The following KCNH7 variants were observed in gnomAD, a reference collection of about 807,000 sequenced individuals.
KCNH7 encodes the protein potassium voltage-gated channel subfamily H member 7, also known as voltage-gated inwardly rectifying potassium channel KCNH7.
In KCNH7, 49 loss-of-function variants were observed where a neutral mutation model predicts 120.8. The ratio of observed to expected loss-of-function variants is 0.41; its 90% confidence interval spans 0.32 to 0.51. The LOEUF is 0.51. Ranked by LOEUF, KCNH7 falls within the 20% of genes least tolerant of loss-of-function variation. KCNH7 has a pLI of 0.38. For missense variants in KCNH7, 1,097 were observed against 1,446.6 expected, an observed-to-expected ratio of 0.76 and a Z score of 3.92; for synonymous variants, 547 against 516.1, an observed-to-expected ratio of 1.06 and a Z score of -0.81.
At chr2:162,576,031 T>C (rs1440925786) in intron 2 of KCNH7, among the ~76,000 whole-genome samples, 6 of 152,062 alleles carry the variant, frequency 3.9e-5, no homozygotes, top group African/African-American at 1.4e-4. Flanking sequence ...GATTTAGAAG[T>C]GAACCCATGA....
intron 2 of KCNH7, among the ~76,000 whole-genome samples, chr2:162,641,568 A>T (rs1405085188): frequency 6.6e-6 from 1 of 151,606 alleles, no homozygotes; most frequent in Non-Finnish European, 1.5e-5. Flanking sequence ...AAAAAAAAAG[A>T]TTGCATAGTA....
chr2:162,416,056 A>G (rs1279141831), intron 9 of KCNH7, among the ~76,000 whole-genome samples: 1 of 152,098 alleles, frequency 6.6e-6, no homozygotes, highest in Non-Finnish European at 1.5e-5. Flanking sequence ...TTATTATAAT[A>G]CTCTGACCTC....
In KCNH7 at chr2:162,787,080, C is replaced by A. The variant is rs550204367; in HGVS notation, c.307+49457G>T. Among the ~76,000 whole-genome samples the A allele has an allele frequency of 4.6e-5, 7 of 152,332 alleles. No homozygotes were observed. In the East Asian group the frequency reaches 1.4e-3, roughly 29 times the overall value. On this transcript the variant is annotated intron_variant, in intron 2 of 15. Transcript: ENST00000332142. ...GTTCATAGTGAACCCCAGTATCAGGCCTTCTCCAGTTAACCCTGGTGCCAG... is the reference window on the plus strand; with the variant it reads ...GTTCATAGTGAACCCCAGTATCAGGACTTCTCCAGTTAACCCTGGTGCCAG...
chr2:162,769,384 G>C (rs1437838804), intron 2 of KCNH7, among the ~76,000 whole-genome samples: 2 of 152,056 alleles, frequency 1.3e-5, no homozygotes, highest in Admixed American at 1.3e-4. Flanking sequence ...CCTCTAATTA[G>C]AGCTTTTTTT....
In KCNH7 at chr2:162,603,786, C is replaced by T. The variant is rs2046491; in HGVS notation, c.308-66706G>A. 3.6e-3 allele frequency among the ~76,000 whole-genome samples: 543 copies of T among 152,126 alleles called. 2 individuals are homozygous for T. Among genetic ancestry groups the T allele is most frequent in the Non-Finnish European group, 6.3e-3 (429 of 67,964 alleles). On this transcript the variant is annotated intron_variant, in intron 2 of 15. Coordinates refer to ENST00000332142, the MANE Select transcript of KCNH7 (RefSeq NM_033272.4). ...GCTTGAACACTGTCCTCAGTGTATT[C>T]TCCTCCAAGAATGGAAAGATTTAGC...
At chr2:162,742,152 G>T (rs1982127) in intron 2 of KCNH7, among the ~76,000 whole-genome samples, 5,715 of 152,178 alleles carry the variant, frequency 0.038, 342 homozygotes, top group African/African-American at 0.13. Flanking sequence ...ACAGTTTTAA[G>T]GAATGAAATA....
intron 2 of KCNH7, among the ~76,000 whole-genome samples, chr2:162,817,547 G>T (rs1469927043): frequency 6.6e-6 from 1 of 151,910 alleles, no homozygotes; most frequent in Non-Finnish European, 1.5e-5. Flanking sequence ...AATCATTTGT[G>T]GACATATATT....
chr2:162,667,226 G>T (rs1449499893), intron 2 of KCNH7, among the ~76,000 whole-genome samples: 2 of 151,832 alleles, frequency 1.3e-5, no homozygotes, highest in Non-Finnish European at 2.9e-5. Flanking sequence ...TCACTACTTT[G>T]CCTAGGCTAT....
At chr2:162,834,405 A>AAGGT (rs1685580936) in intron 2 of KCNH7, among the ~76,000 whole-genome samples, 1 of 152,102 alleles carries the variant, frequency 6.6e-6, no homozygotes, top group Non-Finnish European at 1.5e-5. Context: ...AATTAAAGCA[A>AAGGT]AATAGGTAGA....
chr2:162,514,426 A>G (rs1691213229), intron 4 of KCNH7, among the ~76,000 whole-genome samples: 1 of 151,758 alleles, frequency 6.6e-6, no homozygotes, highest in Non-Finnish European at 1.5e-5. Flanking sequence ...TTATATGTAA[A>G]GATTTACCAA....
At chr2:162,433,987 A>C (rs1688155968) in intron 8 of KCNH7, among the ~76,000 whole-genome samples, 1 of 152,110 alleles carries the variant, frequency 6.6e-6, no homozygotes. Context: ...CTAGATGTCC[A>C]TCAGCAGTAA....
At chr2:162,655,048 A>G (rs76472768) in intron 2 of KCNH7, among the ~76,000 whole-genome samples, 1,818 of 152,268 alleles carry the variant, frequency 0.012, 48 homozygotes, top group East Asian at 0.11. Context: ...AATAAATTGA[A>G]GAGATCTACT....
At chr2:162,838,133 C>T (rs1685726360) in intron 1 of KCNH7, among the ~76,000 whole-genome samples, 1 of 152,154 alleles carries the variant, frequency 6.6e-6, no homozygotes, top group Non-Finnish European at 1.5e-5. Context: ...AAAATATAAA[C>T]CCATGTTATC....
At chr2:162,662,549 T>C (rs1685000015) in intron 2 of KCNH7, among the ~76,000 whole-genome samples, 1 of 152,230 alleles carries the variant, frequency 6.6e-6, no homozygotes. Context: ...GATTGTTGTG[T>C]TCATTAGAAA....
intron 2 of KCNH7, among the ~76,000 whole-genome samples, chr2:162,576,965 ACAGTGGAGTGATCATAGCT>A (rs1389053815): frequency 2.0e-5 from 3 of 151,740 alleles, no homozygotes; most frequent in African/African-American, 7.3e-5. Flanking sequence ...GGGCTGGAGT[ACAGTGGAGTGATCATAGCT>A]CACTGCAGGC....
chr2:162,396,202 A>T (rs1686908973), intron 11 of KCNH7, among the ~76,000 whole-genome samples: 1 of 151,772 alleles, frequency 6.6e-6, no homozygotes, highest in African/African-American at 2.4e-5. Context: ...GTTAGACTAC[A>T]TATTCATTCT....
chr2:162,518,789 G>T (rs1691411594), intron 3 of KCNH7, among the ~76,000 whole-genome samples: 3 of 149,078 alleles, frequency 2.0e-5, no homozygotes, highest in African/African-American at 7.3e-5. Context: ...TACTGGTAAA[G>T]ATTTCTTTTT....
At chr2:162,486,623 C>T (rs1690102368) in intron 6 of KCNH7, among the ~76,000 whole-genome samples, 1 of 152,086 alleles carries the variant, frequency 6.6e-6, no homozygotes, top group Non-Finnish European at 1.5e-5. Flanking sequence ...CTAATCCAGT[C>T]ACTATTACCC....
At chr2:162,445,138 ATGT>A (rs1445255166) in intron 7 of KCNH7, among the ~76,000 whole-genome samples, 4 of 152,160 alleles carry the variant, frequency 2.6e-5, no homozygotes, top group Admixed American at 6.6e-5. Flanking sequence ...GAGGAGGATT[ATGT>A]TGTTCTAAAG....
Sources: gnomAD v4.1 joint callset for allele counts (sites outside exome capture counted in the v4.1 genomes callset) on GRCh38, gnomAD v4.1.1 for gene constraint, MANE v1.5 for transcripts, NCBI Gene and HGNC (gene_info 2026-07-23, HGNC 2026-07-21) for gene names.